NDRG4: variants seen among roughly 807,000 people sequenced by gnomAD.
NDRG4 encodes the protein NDRG family member 4.
NDRG4 carries 38 observed loss-of-function variants against 55.8 expected under a neutral mutation model. That is an observed-to-expected ratio of 0.68 (90% CI 0.53 to 0.89). The LOEUF (loss-of-function observed/expected upper bound fraction) is 0.89, where lower values mean the gene tolerates loss of function less well. NDRG4 is among the 40% of genes least tolerant of loss of function. The pLI is 0.00. For missense variants in NDRG4, 455 were observed against 468.6 expected, an observed-to-expected ratio of 0.97 and a Z score of 0.27; for synonymous variants, 190 against 182.7, an observed-to-expected ratio of 1.04 and a Z score of -0.32.
chr16:58,494,555 G>A (rs2036173853), intron 2 of NDRG4, among the ~76,000 whole-genome samples: 1 of 152,174 alleles, frequency 6.6e-6, no homozygotes. Flanking sequence ...CACCCTTGTG[G>A]CCTGTAAGAT....
downstream of NDRG4, among the ~76,000 whole-genome samples, chr16:58,514,258 C>T (rs916596658): frequency 1.3e-5 from 2 of 152,208 alleles, no homozygotes; most frequent in Non-Finnish European, 2.9e-5. Flanking sequence ...CAAGATTACT[C>T]CTGGGCTACA....
intron 1 of NDRG4, chr16:58,500,638 G>A: frequency 4.1e-6 from 2 of 493,080 alleles, no homozygotes; most frequent in East Asian, 3.6e-5. Flanking sequence ...GCCCTCTGGT[G>A]TGCGCTTGGA....
chr16:58,511,645 C>T lies in NDRG4; in HGVS notation c.*69C>T. ...CCATCCTTGCGCCGGCTCATGTTCC[C>T]TTTAGTTTATTTTTGTGAGGGCAAA... On this transcript the variant is annotated 3_prime_UTR_variant, in exon 15 of 15. Transcript: ENST00000570248. The T allele has an allele frequency of 5.0e-6, 8 of 1,597,954 alleles. No homozygotes were observed. The highest frequency in any genetic ancestry group is 6.9e-6 in the Non-Finnish European group (8 of 1,166,726).
At chr16:58,511,083 G>A (rs1162442264) in intron 14 of NDRG4, 1 of 469,660 alleles carries the variant, frequency 2.1e-6, no homozygotes, top group Non-Finnish European at 3.8e-6. Context: ...CTGAATTGAG[G>A]GCAGTATGCG....
At chr16:58,482,945 T>G (rs1038323560) in intron 1 of NDRG4, among the ~76,000 whole-genome samples, 5 of 151,890 alleles carry the variant, frequency 3.3e-5, no homozygotes, top group Non-Finnish European at 7.4e-5. Flanking sequence ...TCACGTGAGC[T>G]CAGCTAATTT....
In NDRG4 at chr16:58,504,245, A is replaced by G. The variant is rs759514521; in HGVS notation, c.219A>G (p.Gln73=). The G allele has an allele frequency of 1.9e-5, 30 of 1,613,974 alleles. No homozygotes were observed. Among genetic ancestry groups the G allele is most frequent in the African/African-American group, 2.7e-5 (2 of 74,906 alleles). ...FVVCHVDAPG[Q]QVGASQFPQG... ...TGTGTCACGTGGATGCCCCTGGACA[A>G]CAGGTGGGGGCGTCGCAGTTTCCTC... Residue 73 remains glutamine (Q), a synonymous_variant, in exon 3 of 15, where the codon CAA becomes CAG. Transcript: ENST00000570248.
chr16:58,496,242 A>G (rs774413902), upstream of NDRG4, among the ~76,000 whole-genome samples: 18 of 152,164 alleles, frequency 1.2e-4, no homozygotes, highest in Non-Finnish European at 2.5e-4. Context: ...TGGGTTCCCA[A>G]CTGCTGCTGC....
At chr16:58,480,434 G>A (rs896368554) in intron 1 of NDRG4, among the ~76,000 whole-genome samples, 3 of 152,192 alleles carry the variant, frequency 2.0e-5, no homozygotes, top group Non-Finnish European at 4.4e-5. Flanking sequence ...CCCCCTCCAA[G>A]TTTTGTGGCC....
At chr16:58,465,099 A>G in intron 1 of NDRG4, 1 of 1,285,278 alleles carries the variant, frequency 7.8e-7, no homozygotes, top group Non-Finnish European at 1.0e-6. Context: ...GACGGGGGGG[A>G]GGATTCGAGG....
At chr16:58,501,161 G>C (rs960252943) in intron 1 of NDRG4, 8 of 953,532 alleles carry the variant, frequency 8.4e-6, no homozygotes, top group Non-Finnish European at 8.2e-6. Flanking sequence ...CTGCCCTGCC[G>C]GTTCCGCAGA....
chr16:58,469,226 G>A lies in NDRG4; in HGVS notation c.-24+5429G>A, dbSNP rs113520594. Among the ~76,000 whole-genome samples the A allele has an allele frequency of 2.7e-3, 409 of 152,220 alleles. 5 individuals are homozygous for A. The highest frequency in any genetic ancestry group is 9.1e-3 in the African/African-American group (376 of 41,532). Reference sequence around the variant, plus strand: ...ATAGGTTTGCCCTAGGAGGCTGAAAGCAGGACCCTGGATCCTCATTTCCAG... The same window carrying A: ...ATAGGTTTGCCCTAGGAGGCTGAAAACAGGACCCTGGATCCTCATTTCCAG... On this transcript the variant is annotated intron_variant, in intron 1 of 15. Transcript: ENST00000258187.
At position 58,504,901 on chromosome 16, in the gene NDRG4, T is replaced by C. The variant is rs550145880; in HGVS notation, c.372+252T>C. On this transcript the variant is annotated intron_variant, in intron 5 of 14. Transcript: ENST00000570248. ...TAGAAACTATAACTTGCTTAAACTA[T>C]TATCCAAAGCCAGAATTTCTAGTAG... Among the ~76,000 whole-genome samples, 428 of 152,372 alleles carry C rather than the reference T, an allele frequency of 2.8e-3. 2 individuals carry two copies. Among genetic ancestry groups the C allele is most frequent in the African/African-American group, 9.7e-3 (405 of 41,582 alleles).
chr16:58,484,312 G>A (rs1488973719), intron 1 of NDRG4, among the ~76,000 whole-genome samples: 1 of 152,160 alleles, frequency 6.6e-6, no homozygotes, highest in African/African-American at 2.4e-5. Context: ...GGCAGAGGCT[G>A]CAGTGAGCTG....
At chr16:58,490,233 G>C (rs1166085097) in intron 2 of NDRG4, among the ~76,000 whole-genome samples, 1 of 152,214 alleles carries the variant, frequency 6.6e-6, no homozygotes, top group Non-Finnish European at 1.5e-5. Context: ...GCATCCCATC[G>C]CAAGTGCTGA....
At position 58,513,399 on chromosome 16, in the gene NDRG4, A is replaced by G. The variant is rs2039002029; in HGVS notation, c.*1823A>G. The G allele has an allele frequency of 3.9e-5, 6 of 152,188 alleles. No homozygotes were observed. The highest frequency in any genetic ancestry group is 3.9e-4 in the Admixed American group (6 of 15,272). 9.4% of individuals were successfully genotyped at this position (152,188 alleles called of 1,614,324 possible). On this transcript the variant is annotated 3_prime_UTR_variant, in exon 15 of 15. Coordinates refer to ENST00000570248, the MANE Select transcript of NDRG4 (RefSeq NM_001242835.2). ...GAGTTAACTGTGCTGAAAAACTAAT[A>G]AAGAACCTAAGAAGAATTCCAGTGT...
At chr16:58,472,931 C>A (rs527954382) in intron 1 of NDRG4, among the ~76,000 whole-genome samples, 15 of 152,102 alleles carry the variant, frequency 9.9e-5, no homozygotes, top group Non-Finnish European at 1.8e-4. Context: ...TCAGTGGCTT[C>A]TCATTGGCTT....
chr16:58,498,792 G>C (rs1007031580), upstream of NDRG4, among the ~76,000 whole-genome samples: 2 of 152,154 alleles, frequency 1.3e-5, no homozygotes, highest in Non-Finnish European at 2.9e-5. Context: ...TTTTCTGGCA[G>C]TTGTGCAGTT....
chr16:58,487,655 C>A, intron 1 of NDRG4: 1 of 887,776 alleles, frequency 1.1e-6, no homozygotes, highest in Non-Finnish European at 1.7e-6. Flanking sequence ...GGGGACAGTG[C>A]ATCTGGTTTC....
chr16:58,509,950 A>G (rs1161878317), intron 13 of NDRG4, among the ~76,000 whole-genome samples: 17 of 152,084 alleles, frequency 1.1e-4, no homozygotes, highest in Admixed American at 1.1e-3. Context: ...ACACACACAC[A>G]CACACACACA....
Sources: gnomAD v4.1 joint callset for allele counts (sites outside exome capture counted in the v4.1 genomes callset) on GRCh38, gnomAD v4.1.1 for gene constraint, MANE v1.5 for transcripts, NCBI Gene and HGNC (gene_info 2026-07-23, HGNC 2026-07-21) for gene names.